Variants in PIP5K1C observed in about 807,000 individuals in gnomAD.
PIP5K1C encodes phosphatidylinositol-4-phosphate 5-kinase type 1 gamma, also known as phosphatidylinositol 4-phosphate 5-kinase type-1 gamma.
Under a neutral mutation model 80.1 loss-of-function variants are expected in PIP5K1C, and 45 were observed. The ratio of observed to expected loss-of-function variants is 0.56; its 90% confidence interval spans 0.44 to 0.72. The LOEUF (loss-of-function observed/expected upper bound fraction) is 0.72, where lower values mean the gene tolerates loss of function less well. Among genes scored for constraint, PIP5K1C ranks in the 30% least tolerant of loss-of-function variants. The pLI is 0.00. For missense variants in PIP5K1C, 753 were observed against 954.6 expected (o/e 0.79, Z 2.78); for synonymous variants, 498 against 420.1 (o/e 1.19, Z -2.27).
intron 1 of PIP5K1C, among the ~76,000 whole-genome samples, chr19:3,693,320 C>T (rs1162107202): frequency 2.0e-5 from 3 of 152,292 alleles, no homozygotes; most frequent in Admixed American, 6.5e-5. Context: ...AGCCAGAGGC[C>T]GGGTCCCCTC....
At chr19:3,659,891 G>A (rs1040227329) in intron 5 of PIP5K1C, among the ~76,000 whole-genome samples, 7 of 152,204 alleles carry the variant, frequency 4.6e-5, no homozygotes, top group African/African-American at 7.2e-5. Flanking sequence ...GGGCAGGATC[G>A]GAGAACCACA....
chr19:3,638,107 G>A, intron 16 of PIP5K1C: 2 of 1,393,162 alleles, frequency 1.4e-6, no homozygotes, highest in Non-Finnish European at 1.9e-6. Flanking sequence ...TTCCCAGGGG[G>A]TGCAGGGTGA....
intron 3 of PIP5K1C, among the ~76,000 whole-genome samples, chr19:3,662,597 G>C (rs369370405): frequency 6.6e-6 from 1 of 152,100 alleles, no homozygotes; most frequent in African/African-American, 2.4e-5. Context: ...ACAGAGTCTT[G>C]CTCTGTCGCC....
intron 9 of PIP5K1C, among the ~76,000 whole-genome samples, chr19:3,647,902 G>T (rs576331331): frequency 6.6e-6 from 1 of 152,226 alleles, no homozygotes; most frequent in Non-Finnish European, 1.5e-5. Flanking sequence ...AGCCAAGATC[G>T]CACCAATGCT....
intron 8 of PIP5K1C, among the ~76,000 whole-genome samples, chr19:3,650,523 C>G (rs376274741): frequency 6.6e-6 from 1 of 152,214 alleles, no homozygotes; most frequent in African/African-American, 2.4e-5. Flanking sequence ...GGTGGAGGCC[C>G]GGGACGCTGC....
intron 3 of PIP5K1C, 47 bp from the exon 4 acceptor site, chr19:3,662,048 G>A (rs769267273): frequency 1.5e-5 from 23 of 1,543,952 alleles, no homozygotes; most frequent in South Asian, 3.5e-5. Context: ...TCCCCACGCT[G>A]CCCTGCACCC....
At chr19:3,641,000 T>TA (rs1312123789) in intron 15 of PIP5K1C, among the ~76,000 whole-genome samples, 1 of 152,178 alleles carries the variant, frequency 6.6e-6, no homozygotes, top group East Asian at 1.9e-4. Context: ...GTCAGGAGTT[T>TA]GAGACCAAGC....
chr19:3,691,679 G>C (rs1224850383), intron 1 of PIP5K1C, among the ~76,000 whole-genome samples: 12 of 151,908 alleles, frequency 7.9e-5, no homozygotes, highest in Non-Finnish European at 1.5e-5. Flanking sequence ...CTGCTCTCTT[G>C]GCCTCACCAG....
chr19:3,685,079 G>A (rs1415714203), intron 1 of PIP5K1C, among the ~76,000 whole-genome samples: 1 of 152,168 alleles, frequency 6.6e-6, no homozygotes, highest in East Asian at 1.9e-4. Flanking sequence ...AAAACAGGCA[G>A]AGGAAAAGAA....
intron 1 of PIP5K1C, among the ~76,000 whole-genome samples, chr19:3,698,513 TG>T (rs1244927479): frequency 1.3e-5 from 2 of 152,208 alleles, no homozygotes; most frequent in Non-Finnish European, 2.9e-5. Context: ...CATAAACGTG[TG>T]GCATTTCTCA....
chr19:3,663,504 G>A (rs2034905726), intron 3 of PIP5K1C, among the ~76,000 whole-genome samples: 1 of 152,160 alleles, frequency 6.6e-6, no homozygotes, highest in African/African-American at 2.4e-5. Context: ...GACGCTCCAT[G>A]CCACTGGGCA....
intron 1 of PIP5K1C, among the ~76,000 whole-genome samples, chr19:3,684,261 C>T (rs564869110): frequency 3.8e-4 from 58 of 152,300 alleles, no homozygotes; most frequent in African/African-American, 1.4e-3. Flanking sequence ...TCAAGATGAG[C>T]TCATTGCCGC....
In PIP5K1C at chr19:3,648,398, G is replaced by A. The variant is rs2034316978; in HGVS notation, c.1211+227C>T. ...GGGCAGCCAAGCAAGAGCTTTCCAG[G>A]TTGAGGAAGCCCCGAGAGCTGCTGG... On this transcript the variant is annotated intron_variant, in intron 9 of 17. Coordinates refer to ENST00000335312, the MANE Select transcript of PIP5K1C (RefSeq NM_012398.3). The surrounding 1 kb of genome is among the most constrained non-coding windows in gnomAD (Gnocchi z 4.3). Among the ~76,000 whole-genome samples the A allele has an allele frequency of 6.6e-6, 1 of 152,226 alleles. No individual in the cohort carries two copies. Among genetic ancestry groups the A allele is most frequent in the Non-Finnish European group, 1.5e-5 (1 of 68,034 alleles).
At chr19:3,652,675 C>T (rs563339697) in intron 7 of PIP5K1C, among the ~76,000 whole-genome samples, 40 of 152,306 alleles carry the variant, frequency 2.6e-4, no homozygotes, top group Non-Finnish European at 5.1e-4. Context: ...TTCGCTAACA[C>T]GGAGCCAACG....
chr19:3,678,585 TAAAG>T (rs1568350682), intron 1 of PIP5K1C, among the ~76,000 whole-genome samples: 1 of 29,748 alleles, frequency 3.4e-5, no homozygotes, highest in Non-Finnish European at 6.3e-5. Flanking sequence ...GATGGAGGGA[TAAAG>T]GGATGGAGGG....
intron 14 of PIP5K1C, 77 bp from the exon 15 acceptor site, chr19:3,641,886 T>C: frequency 8.6e-7 from 1 of 1,167,092 alleles, no homozygotes; most frequent in Non-Finnish European, 1.3e-6. Flanking sequence ...CCCAGTGAAC[T>C]CCAGGGCCAG....
rs1252507155 is a variant in PIP5K1C at position 3,660,984 on chromosome 19, G to T, written c.450C>A (p.Ile150=). 1.9e-6 allele frequency: 3 copies of T among 1,613,382 alleles called. No homozygotes were observed. Among genetic ancestry groups the T allele is most frequent in the African/African-American group, 2.7e-5 (2 of 74,900 alleles). ...AFRYFRELFG[I]RPDDYLYSLC... ...TGCTTACCAAGTAATCATCTGGCCG[G>T]ATCCCAAAGAGCTCCCGGAAGTAGC... Residue 150 remains isoleucine (I), a synonymous_variant, in exon 5 of 18, where the codon ATC becomes ATA. Transcript: ENST00000335312.
At chr19:3,678,478 A>AGGAGGGAGGGAAGGATGGAG (rs2035475031) in intron 1 of PIP5K1C, among the ~76,000 whole-genome samples, 1 of 88,508 alleles carries the variant, frequency 1.1e-5, no homozygotes, top group Non-Finnish European at 2.3e-5. Context: ...GGAGGGATGG[A>AGGAGGGAGGGAAGGATGGAG]GGAGGGATGG....
intron 11 of PIP5K1C, among the ~76,000 whole-genome samples, chr19:3,644,735 T>C (rs1302981448): frequency 1.3e-5 from 2 of 152,318 alleles, no homozygotes; most frequent in Admixed American, 6.5e-5. Context: ...GCTCGGTCTC[T>C]CTGGGCCCTG....
Sources: gnomAD v4.1 joint callset for allele counts (sites outside exome capture counted in the v4.1 genomes callset) on GRCh38, gnomAD v4.1.1 for gene constraint, Gnocchi (gnomAD v3.1) non-coding constraint, MANE v1.5 for transcripts, NCBI Gene and HGNC (gene_info 2026-07-23, HGNC 2026-07-21) for gene names.